Variants in SZT2 observed in about 807,000 individuals in gnomAD.
SZT2 encodes KICSTOR complex protein SZT2.
A neutral mutation model predicts 404.2 loss-of-function variants in SZT2; 216 were observed. The ratio of observed to expected loss-of-function variants is 0.53; its 90% CI spans 0.48 to 0.60. The LOEUF is 0.60. Ranked by LOEUF, SZT2 falls within the 20% of genes least tolerant of loss-of-function variation. The pLI is 0.00. For missense variants in SZT2, 3,857 were observed against 4,459.2 expected (o/e 0.86, Z 3.85); for synonymous variants, 1,693 against 1,749.9 (o/e 0.97, Z 0.81).
In SZT2 at chr1:43,451,281, C is replaced by A; in HGVS notation, c.*801C>A. Reference sequence around the variant, plus strand: ...GTGGCCCCGCCTATCCCAGTATGAACGTAGCCAACTCAAGCCCTCTACTGT... The same window carrying A: ...GTGGCCCCGCCTATCCCAGTATGAAAGTAGCCAACTCAAGCCCTCTACTGT... On this transcript the variant is annotated 3_prime_UTR_variant, in exon 72 of 72. Transcript: ENST00000634258. The A allele has an allele frequency of 6.2e-7, 1 of 1,614,098 alleles. No individual in the cohort carries two copies. The highest frequency in any genetic ancestry group is 1.7e-5 in the Admixed American group (1 of 60,032).
At position 43,453,361 on chromosome 1, in the gene SZT2, G is replaced by C; in HGVS notation, c.*2881G>C. On this transcript the variant is annotated 3_prime_UTR_variant, in exon 72 of 72. Coordinates refer to ENST00000634258, the MANE Select transcript of SZT2 (RefSeq NM_001365999.1). The stretch of plus-strand genomic sequence containing the variant: ...TGCATCAGGGTCATGGGTCACAGGG[G>C]TGGGGGTGGGGTGGAGCGGGGTACC... The C allele has an allele frequency of 6.8e-7, 1 of 1,461,512 alleles. No homozygotes were observed. Among genetic ancestry groups the C allele is most frequent in the Non-Finnish European group, 9.3e-7 (1 of 1,069,762 alleles). 90.5% of individuals were successfully genotyped at this position (1,461,512 alleles called of 1,614,324 possible). A position where few individuals can be genotyped will look rare whatever the true frequency, so the allele number is the denominator to read the frequency against.
At position 43,452,852 on chromosome 1, in the gene SZT2, TC is replaced by T; in HGVS notation, c.*2374del. On this transcript the variant is annotated 3_prime_UTR_variant, in exon 72 of 72. Coordinates refer to ENST00000634258, the MANE Select transcript of SZT2 (RefSeq NM_001365999.1). The stretch of plus-strand genomic sequence containing the variant: ...CCATCATCCCCTGATCTTAGCCACA[TC>T]CAGCTCCAAGCAGACATTCCAGGCC... 1 of 1,550,492 alleles carries T rather than the reference TC, an allele frequency of 6.4e-7. No homozygotes were observed. Among genetic ancestry groups the T allele is most frequent in the Non-Finnish European group, 8.7e-7 (1 of 1,144,594 alleles).
rs199942723 is a variant in SZT2 at position 43,447,670 on chromosome 1, G to A, written c.9412G>A (p.Glu3138Lys). 52 of 1,614,044 alleles carry A rather than the reference G, an allele frequency of 3.2e-5. No individual in the cohort carries two copies. Among genetic ancestry groups the A allele is most frequent in the African/African-American group, 1.1e-4 (8 of 74,938 alleles). ...MARPGGPEHN[E>K]YALVSAWHSS... is the part of the protein sequence containing the mutation. ...CCGGCCAGGGGGCCCAGAACACAACGAGTATGCCCTGGTGTCGGCATGGCA... is the reference window on the plus strand; with the variant it reads ...CCGGCCAGGGGGCCCAGAACACAACAAGTATGCCCTGGTGTCGGCATGGCA... The change falls in exon 67 of 72, where the codon GAG (glutamate) becomes AAG (lysine). Residue 3138 changes from glutamate (E) to lysine (K), a missense_variant. Glu to Lys is a moderately conservative substitution (Grantham distance 56). Around this residue, in one of 7 missense-constraint regions of SZT2, gnomAD observed 717 missense variants for 868.2 expected, o/e 0.83. Transcript: ENST00000634258.
Position 43,448,141 on chromosome 1 carries a change from T to C in SZT2, c.9626T>C (p.Met3209Thr). 6.2e-7 allele frequency: 1 copy of C among 1,609,504 alleles called. No individual in the cohort carries two copies. Among genetic ancestry groups the C allele is most frequent in the Non-Finnish European group, 8.5e-7 (1 of 1,177,086 alleles). Residue 3209 changes from methionine (M) to threonine (T), a missense_variant, in exon 69 of 72, where the codon ATG becomes ACG. Met to Thr is a moderately conservative substitution (Grantham distance 81, BLOSUM62 -1). This residue lies in a region of SZT2 where 717 missense variants were observed against 868.2 expected (regional missense o/e 0.83). Transcript: ENST00000634258. The surrounding 1 kb of genome is among the most constrained non-coding windows in gnomAD (Gnocchi z 4.2). ...RELFPRLTAD[M>T]RRFRKPPRLP... ...CTCTTCCCCAGGCTCACTGCTGACA[T>C]GCGCCGCTTCCGGAAGCCACCCAGA...
intron 1 of SZT2, among the ~76,000 whole-genome samples, chr1:43,390,523 C>G (rs1036131284): frequency 6.6e-6 from 1 of 152,230 alleles, no homozygotes; most frequent in Non-Finnish European, 1.5e-5. Flanking sequence ...GGCGAGTCTT[C>G]CCGGATCCTG....
chr1:43,404,666 C>G (rs970418841), intron 4 of SZT2, 116 bp downstream of exon 4: 20 of 1,099,054 alleles, frequency 1.8e-5, no homozygotes, highest in Non-Finnish European at 2.6e-5. Flanking sequence ...CTGCTGGCTT[C>G]TTGAACCTGT....
chr1:43,407,039 T>G (rs1194560964), intron 4 of SZT2: 2 of 152,210 alleles, frequency 1.3e-5, no homozygotes, highest in African/African-American at 2.4e-5. Flanking sequence ...GAGGATGGAT[T>G]TGGGGACAAA....
intron 36 of SZT2, 64 bp from the exon 37 acceptor site, chr1:43,432,208 G>A (rs2153934136): frequency 1.4e-6 from 2 of 1,479,974 alleles, no homozygotes; most frequent in South Asian, 1.4e-5. Context: ...ATGAGGAAGT[G>A]TAGCTCACCA....
chr1:43,439,751 G>A lies in SZT2; in HGVS notation c.7024G>A (p.Val2342Ile), dbSNP rs755291251. Reference sequence around the variant, plus strand: ...GACCCAGGTCATCCGCTGCCCGGTTGTTGTGGACAGTTCTTCAGGTGGGAC... The same window carrying A: ...GACCCAGGTCATCCGCTGCCCGGTTATTGTGGACAGTTCTTCAGGTGGGAC... ...QLTQVIRCPVVVDSSSAQNGA... is the reference protein window; with the variant it reads ...QLTQVIRCPVIVDSSSAQNGA... Residue 2342 changes from valine (V) to isoleucine (I), a missense_variant, in exon 50 of 72, where the codon GTT becomes ATT. Physicochemically the swap from Val to Ile is conservative, Grantham distance 29. Transcript: ENST00000634258. The surrounding 1 kb of genome is among the most constrained non-coding windows in gnomAD (Gnocchi z 4.2). 2 of 1,596,242 alleles carry A rather than the reference G, an allele frequency of 1.3e-6. No individual in the cohort carries two copies. The highest frequency in any genetic ancestry group is 8.5e-7 in the Non-Finnish European group (1 of 1,170,152).
At chr1:43,447,239 TG>T (rs1655785193) in intron 66 of SZT2, 71 bp downstream of exon 66, 1 of 1,485,380 alleles carries the variant, frequency 6.7e-7, no homozygotes, top group Middle Eastern at 2.4e-4. Flanking sequence ...TCAGGGCTGG[TG>T]GGACCACCTC....
chr1:43,404,062 TAGCC>T, intron 3 of SZT2: 1 of 509,718 alleles, frequency 2.0e-6, no homozygotes. Context: ...ATACAAAAAT[TAGCC>T]AGGCATGCTG....
chr1:43,428,385 T>C lies in SZT2; in HGVS notation c.4065T>C (p.His1355=). ...GTGGCCACACTTGGGGTTTGCCTCA[T>C]GCACCCCCAAGTCCTGGTCCTCTCA... ...ALCGHTWGLP[H]APPSPGPLSP... is the part of the protein sequence containing the mutation. The change falls in exon 28 of 72, where the codon CAT becomes CAC. Residue 1355 remains histidine (H), a synonymous_variant. Transcript: ENST00000634258. The C allele has an allele frequency of 6.2e-7, 1 of 1,614,178 alleles. No homozygotes were observed. Among genetic ancestry groups the C allele is most frequent in the Non-Finnish European group, 8.5e-7 (1 of 1,180,004 alleles).
chr1:43,451,221 G>C lies in SZT2; in HGVS notation c.*741G>C. The C allele has an allele frequency of 3.1e-6, 5 of 1,612,684 alleles. No homozygotes were observed. Among genetic ancestry groups the C allele is most frequent in the Non-Finnish European group, 4.2e-6 (5 of 1,178,840 alleles). ...TGTCACTCGCTGTCTGGAGGCACGT[G>C]GGTGGTGTGCGGGCCCTCACTGGCC... On this transcript the variant is annotated 3_prime_UTR_variant, in exon 72 of 72. Transcript: ENST00000634258.
At chr1:43,391,697 C>A (rs1355148213) in intron 1 of SZT2, among the ~76,000 whole-genome samples, 1 of 152,042 alleles carries the variant, frequency 6.6e-6, no homozygotes, top group Non-Finnish European at 1.5e-5. Flanking sequence ...TGCAACATAC[C>A]TTTTAGGCAG....
At chr1:43,447,395 G>C in intron 66 of SZT2, 150 bp from the exon 67 acceptor site, 2 of 1,180,334 alleles carry the variant, frequency 1.7e-6, no homozygotes, top group Non-Finnish European at 2.3e-6. Flanking sequence ...TCCCATCTCA[G>C]TGTTCCACAG....
chr1:43,453,523 C>T lies in SZT2; in HGVS notation c.*3043C>T. On this transcript the variant is annotated 3_prime_UTR_variant, in exon 72 of 72. Transcript: ENST00000634258. Reference sequence around the variant, plus strand: ...CTGCAGAGAGAACGGGCCTCAGCCCCCGGCTCGGACACTCCCCTGCCCGCG... The same window carrying T: ...CTGCAGAGAGAACGGGCCTCAGCCCTCGGCTCGGACACTCCCCTGCCCGCG... The T allele has an allele frequency of 6.5e-7, 1 of 1,534,292 alleles. No individual in the cohort carries two copies.
chr1:43,441,132 G>A lies in SZT2; in HGVS notation c.7345-82G>A. The A allele has an allele frequency of 6.6e-7, 1 of 1,526,594 alleles. No individual in the cohort carries two copies. The highest frequency in any genetic ancestry group is 1.2e-5 in the South Asian group (1 of 80,212). 94.6% of individuals were successfully genotyped at this position (1,526,594 alleles called of 1,614,324 possible). A position where few individuals can be genotyped will look rare whatever the true frequency, so the allele number is the denominator to read the frequency against. On this transcript the variant is annotated intron_variant, in intron 52 of 71. Transcript: ENST00000634258. This position sits in a 1 kb window ranked among gnomAD's most constrained non-coding sequence, Gnocchi z 4.8. ...GAACCCAGACCTCTGAATCCTCCTA[G>A]CTCACTGCTGTTCCATAGTGCCCCC...
chr1:43,400,195 C>T (rs939115490), intron 1 of SZT2, among the ~76,000 whole-genome samples: 1 of 152,112 alleles, frequency 6.6e-6, no homozygotes, highest in African/African-American at 2.4e-5. Flanking sequence ...CCGCTTTGGC[C>T]TCCCAAAGTG....
chr1:43,435,398 G>A lies in SZT2; in HGVS notation c.6034+69G>A, dbSNP rs1654359412. On this transcript the variant is annotated intron_variant, in intron 42 of 71. Coordinates refer to ENST00000634258, the MANE Select transcript of SZT2 (RefSeq NM_001365999.1). ...GCCCTTTCTTTTACCGAATACTCTG[G>A]TGAAAGCTGAGGGCAGAGTCCTCAT... 9 of 1,574,692 alleles carry A rather than the reference G, an allele frequency of 5.7e-6. No individual in the cohort carries two copies. In the East Asian group the frequency reaches 1.8e-4, roughly 31 times the overall value.
Sources: allele counts gnomAD v4.1 joint callset (sites outside exome capture counted in the v4.1 genomes callset), GRCh38; gene constraint gnomAD v4.1.1; regional missense constraint gnomAD v4.1.1; non-coding constraint Gnocchi (gnomAD v3.1); transcripts MANE v1.5; gene names NCBI Gene and HGNC (gene_info 2026-07-23, HGNC 2026-07-21).